Variants in CCDC171 observed in about 807,000 individuals in gnomAD.
CCDC171 encodes coiled-coil domain-containing protein 171.
A neutral mutation model predicts 168.2 loss-of-function variants in CCDC171; 177 were observed. That is an observed-to-expected ratio of 1.05 (90% CI 0.93 to 1.19). The LOEUF is 1.19. CCDC171 is among the 50% of genes most tolerant of loss of function. The probability of loss-of-function intolerance (pLI) is 0.00; values close to 1 mark genes in which losing one functional copy is unlikely to be tolerated. For missense variants in CCDC171, 1,991 were observed against 1,539.0 expected, an observed-to-expected ratio of 1.29 and a Z score of -4.91; for synonymous variants, 687 against 540.8, an observed-to-expected ratio of 1.27 and a Z score of -3.75.
chr9:15,780,432 C>T (rs1390465099), intron 20 of CCDC171, among the ~76,000 whole-genome samples: 1 of 151,938 alleles, frequency 6.6e-6, no homozygotes, highest in Non-Finnish European at 1.5e-5. Context: ...CCTGTAATCC[C>T]AGTGCTTTGG....
At chr9:15,997,115 G>A (rs1832398694) in intron 3 of CCDC171, among the ~76,000 whole-genome samples, 1 of 152,172 alleles carries the variant, frequency 6.6e-6, no homozygotes, top group Non-Finnish European at 1.5e-5. Flanking sequence ...GATTGGGGAG[G>A]AAAAGCCTTC....
At chr9:15,765,200 G>A (rs917129208) in intron 18 of CCDC171, among the ~76,000 whole-genome samples, 7 of 152,170 alleles carry the variant, frequency 4.6e-5, no homozygotes, top group Non-Finnish European at 8.8e-5. Context: ...ACTGCAGTCT[G>A]TTAAAGAGAA....
At chr9:16,105,814 A>T in the CCDC171 span, among the ~76,000 whole-genome samples, 1 of 152,212 alleles carries the variant, frequency 6.6e-6, no homozygotes, top group Non-Finnish European at 1.5e-5. Flanking sequence ...CACCAAATGT[A>T]TGTATCACAA....
intron 21 of CCDC171, among the ~76,000 whole-genome samples, chr9:15,810,944 A>G (rs937172154): frequency 6.6e-5 from 10 of 152,232 alleles, no homozygotes; most frequent in Admixed American, 5.9e-4. Flanking sequence ...CTGCTAGCAC[A>G]TTGTCATCTC....
chr9:15,753,981 G>T (rs1374206220), intron 18 of CCDC171, among the ~76,000 whole-genome samples: 1 of 151,806 alleles, frequency 6.6e-6, no homozygotes, highest in African/African-American at 2.4e-5. Context: ...CATGATGAGG[G>T]GTTTGTTTAT....
At chr9:16,091,592 C>T in the CCDC171 span, among the ~76,000 whole-genome samples, 3,494 of 152,226 alleles carry the variant, frequency 0.023, 52 homozygotes, top group Non-Finnish European at 0.03. Flanking sequence ...CAGAGGGGAA[C>T]GGGAGAGTTG....
At chr9:15,750,278 G>T (rs752406851) in intron 18 of CCDC171, among the ~76,000 whole-genome samples, 2 of 151,946 alleles carry the variant, frequency 1.3e-5, no homozygotes, top group South Asian at 2.1e-4. Context: ...GGAAGAAGTC[G>T]AATCTCTGAA....
chr9:15,939,228 A>G (rs1325879047), intron 25 of CCDC171, among the ~76,000 whole-genome samples: 2 of 151,672 alleles, frequency 1.3e-5, no homozygotes, highest in Non-Finnish European at 2.9e-5. Flanking sequence ...TCATGGTATT[A>G]TACTATTTTG....
intron 11 of CCDC171, among the ~76,000 whole-genome samples, chr9:15,712,593 T>C (rs2052752551): frequency 6.6e-6 from 1 of 152,214 alleles, no homozygotes; most frequent in South Asian, 2.1e-4. Context: ...AGAAACGTTA[T>C]GGTTAGGGAA....
chr9:15,769,495 C>T (rs188417977), intron 18 of CCDC171, among the ~76,000 whole-genome samples: 1 of 152,174 alleles, frequency 6.6e-6, no homozygotes, highest in Non-Finnish European at 1.5e-5. Flanking sequence ...TTGACAGTTC[C>T]TTCAATTATG....
At chr9:15,737,420 G>A (rs144910097) in intron 16 of CCDC171, among the ~76,000 whole-genome samples, 64 of 152,300 alleles carry the variant, frequency 4.2e-4, no homozygotes, top group African/African-American at 1.5e-3. Context: ...TAGCAGAGGA[G>A]ACTGGAGCCA....
chr9:15,958,564 C>A (rs1369128696), intron 25 of CCDC171, among the ~76,000 whole-genome samples: 5 of 82,266 alleles, frequency 6.1e-5, no homozygotes, highest in African/African-American at 2.7e-4. Context: ...TTATATTATA[C>A]AAGGTGACAG....
chr9:15,679,845 C>A (rs950822660), intron 10 of CCDC171, among the ~76,000 whole-genome samples: 3 of 152,142 alleles, frequency 2.0e-5, no homozygotes, highest in Admixed American at 6.6e-5. Flanking sequence ...ACTGCATTGA[C>A]CTAAACACAT....
At chr9:15,914,300 A>C (rs866170240) in intron 24 of CCDC171, among the ~76,000 whole-genome samples, 3 of 152,126 alleles carry the variant, frequency 2.0e-5, no homozygotes, top group Middle Eastern at 3.2e-3. Flanking sequence ...TTTATCTATA[A>C]GCCCCTCACT....
chr9:16,000,563 A>G (rs1832510342), intron 3 of CCDC171, among the ~76,000 whole-genome samples: 1 of 152,178 alleles, frequency 6.6e-6, no homozygotes, highest in South Asian at 2.1e-4. Context: ...GGAGAGGGAA[A>G]AAGATATGAA....
At chr9:16,074,956 G>C in the CCDC171 span, among the ~76,000 whole-genome samples, 5 of 152,150 alleles carry the variant, frequency 3.3e-5, no homozygotes, top group Non-Finnish European at 7.4e-5. Flanking sequence ...GCTTTTGGAG[G>C]TGTGTCAAAC....
At position 15,875,934 on chromosome 9, in the gene CCDC171, G is replaced by A. The variant is rs1225182512; in HGVS notation, c.3600+1271G>A. 4 of 152,108 alleles carry A rather than the reference G, an allele frequency of 2.6e-5. No homozygotes were observed. The South Asian group carries it at 8.3e-4, about 32-fold the overall frequency. The allele number at this position is 152,108 out of a possible 1,614,324, so 9.4% of individuals were successfully genotyped here. On this transcript the variant is annotated intron_variant, in intron 24 of 25. Coordinates refer to ENST00000380701, the MANE Select transcript of CCDC171 (RefSeq NM_173550.4). ...ATGTGTATTTTAAATTTGATTGTCAGTATTTATGAATTCATCATTACTATG... is the reference window on the plus strand; with the variant it reads ...ATGTGTATTTTAAATTTGATTGTCAATATTTATGAATTCATCATTACTATG...
chr9:15,595,992 G>T (rs1184778765), intron 6 of CCDC171, among the ~76,000 whole-genome samples: 1 of 151,724 alleles, frequency 6.6e-6, no homozygotes, highest in Non-Finnish European at 1.5e-5. Flanking sequence ...TGTTGATGGG[G>T]TTGTTTTTTT....
chr9:15,891,144 T>C (rs1201928790), intron 24 of CCDC171, among the ~76,000 whole-genome samples: 1 of 152,186 alleles, frequency 6.6e-6, no homozygotes, highest in Admixed American at 6.6e-5. Flanking sequence ...CAATTATGGA[T>C]GTACTTTGCT....
Sources: gnomAD v4.1 joint callset for allele counts (sites outside exome capture counted in the v4.1 genomes callset) on GRCh38, gnomAD v4.1.1 for gene constraint, MANE v1.5 for transcripts, NCBI Gene and HGNC (gene_info 2026-07-23, HGNC 2026-07-21) for gene names.